The following OCA2 variants were observed in gnomAD, a reference collection of about 807,000 sequenced individuals.
OCA2 encodes the protein OCA2 melanosomal transmembrane protein.
OCA2 carries 77 observed loss-of-function variants against 100.2 expected under a neutral mutation model. The ratio of observed to expected loss-of-function variants is 0.77; its 90% CI spans 0.64 to 0.93. The LOEUF (loss-of-function observed/expected upper bound fraction) is 0.93. Ranked by LOEUF, OCA2 falls within the 40% of genes least tolerant of loss-of-function variation. The pLI is 0.00. For synonymous variants in OCA2, 432 were observed against 439.2 expected (o/e 0.98, Z 0.21); for missense variants, 1,062 against 1,089.1 (o/e 0.98, Z 0.35).
At chr15:27,927,088 G>A (rs1360138188) in intron 18 of OCA2, among the ~76,000 whole-genome samples, 1 of 152,154 alleles carries the variant, frequency 6.6e-6, no homozygotes. Flanking sequence ...TCAGGAGTTC[G>A]AGACCATCCT....
chr15:27,829,305 A>ATAGATAGATAGATAGT (rs1555412984), intron 23 of OCA2, among the ~76,000 whole-genome samples: 4 of 151,944 alleles, frequency 2.6e-5, no homozygotes, highest in African/African-American at 9.7e-5. Context: ...AGATAGATAG[A>ATAGATAGATAGATAGT]TAGATAGATA....
chr15:28,033,445 T>C (rs778549122), intron 2 of OCA2, among the ~76,000 whole-genome samples: 4 of 152,222 alleles, frequency 2.6e-5, no homozygotes, highest in Non-Finnish European at 5.9e-5. Flanking sequence ...ACCTGTGAGA[T>C]AGACAATAAG....
At chr15:27,868,517 C>T (rs2036415919) in intron 21 of OCA2, among the ~76,000 whole-genome samples, 1 of 152,046 alleles carries the variant, frequency 6.6e-6, no homozygotes, top group Non-Finnish European at 1.5e-5. Context: ...CTAAAATCGT[C>T]ACGCTCACGG....
At chr15:27,912,718 A>G (rs1435294051) in intron 19 of OCA2, among the ~76,000 whole-genome samples, 1 of 152,236 alleles carries the variant, frequency 6.6e-6, no homozygotes, top group Non-Finnish European at 1.5e-5. Context: ...AGAGGCAAAG[A>G]GCTACTGACA....
At chr15:27,994,560 T>C (rs2041661895) in intron 9 of OCA2, among the ~76,000 whole-genome samples, 1 of 152,106 alleles carries the variant, frequency 6.6e-6, no homozygotes, top group Non-Finnish European at 1.5e-5. Flanking sequence ...ACTGCACTCC[T>C]CTCTGGTCGA....
At chr15:27,826,044 C>G (rs1386779297) in intron 23 of OCA2, among the ~76,000 whole-genome samples, 1 of 152,140 alleles carries the variant, frequency 6.6e-6, no homozygotes, top group Non-Finnish European at 1.5e-5. Context: ...TAGAACTGAG[C>G]AAGTAAATAC....
intron 18 of OCA2, among the ~76,000 whole-genome samples, chr15:27,937,607 A>C (rs1022103030): frequency 6.6e-6 from 1 of 152,214 alleles, no homozygotes; most frequent in Non-Finnish European, 1.5e-5. Context: ...GTGTGCATAT[A>C]ATGGCATCTC....
At position 28,076,635 on chromosome 15, in the gene OCA2, CA is replaced by C. The variant is rs375077908; in HGVS notation, c.227+5012del. Among the ~76,000 whole-genome samples the C allele has an allele frequency of 4.1e-4, 62 of 151,852 alleles. No homozygotes were observed. In the East Asian group the frequency reaches 7.4e-3, roughly 18 times the overall value. On this transcript the variant is annotated intron_variant, in intron 2 of 23. Transcript: ENST00000354638. ...GGCCGAGGCGGGTGGATCATGAGGTCAGGAGATCGAGACCATCCTGGCTAAC... is the reference window on the plus strand; with the variant it reads ...GGCCGAGGCGGGTGGATCATGAGGTCGGAGATCGAGACCATCCTGGCTAAC...
intron 21 of OCA2, among the ~76,000 whole-genome samples, chr15:27,854,354 CAT>C (rs981215189): frequency 8.5e-5 from 13 of 152,342 alleles, no homozygotes; most frequent in Non-Finnish European, 1.5e-4. Flanking sequence ...TGCTACTGCA[CAT>C]GTCTCCACCA....
chr15:27,879,589 C>CT (rs1232434519), intron 19 of OCA2, among the ~76,000 whole-genome samples: 1 of 152,148 alleles, frequency 6.6e-6, no homozygotes, highest in African/African-American at 2.4e-5. Context: ...CTTTGCATTT[C>CT]TTTAACGATT....
At chr15:27,924,805 G>A (rs1429785344) in intron 19 of OCA2, among the ~76,000 whole-genome samples, 1 of 152,120 alleles carries the variant, frequency 6.6e-6, no homozygotes, top group Non-Finnish European at 1.5e-5. Flanking sequence ...TAGCAGACGT[G>A]AAGCCAAGCG....
At chr15:27,883,699 A>G (rs1595571928) in intron 19 of OCA2, among the ~76,000 whole-genome samples, 1 of 152,168 alleles carries the variant, frequency 6.6e-6, no homozygotes, top group African/African-American at 2.4e-5. Context: ...ACCATGGCAG[A>G]GGTACAAGCA....
At chr15:27,743,337 T>C in the OCA2 span, among the ~76,000 whole-genome samples, 98,293 of 152,030 alleles carry the variant, frequency 0.65, 32,847 homozygotes, top group Non-Finnish European at 0.73. Flanking sequence ...TGCCACACTC[T>C]TGAGAAGGGG....
At chr15:28,041,976 T>G (rs1179993396) in intron 2 of OCA2, among the ~76,000 whole-genome samples, 1 of 152,124 alleles carries the variant, frequency 6.6e-6, no homozygotes. Flanking sequence ...AAATACACAA[T>G]TCCAGAGAGA....
chr15:27,863,081 G>A (rs2036196257), intron 21 of OCA2, among the ~76,000 whole-genome samples: 1 of 152,134 alleles, frequency 6.6e-6, no homozygotes, highest in African/African-American at 2.4e-5. Context: ...AGGCTGGCAG[G>A]GCTGACCTGA....
At chr15:27,926,356 C>A in intron 18 of OCA2, 102 bp from the exon 19 acceptor site, 1 of 1,278,480 alleles carries the variant, frequency 7.8e-7, no homozygotes, top group South Asian at 1.2e-5. Flanking sequence ...GAATAATTGT[C>A]ATACTACAAA....
At chr15:27,823,780 G>C (rs2034595406) in intron 23 of OCA2, among the ~76,000 whole-genome samples, 3 of 152,120 alleles carry the variant, frequency 2.0e-5, no homozygotes, top group Admixed American at 2.0e-4. Flanking sequence ...CAATAAATTA[G>C]TCATGTAGCT....
At chr15:27,816,744 C>G (rs1049213609) in intron 23 of OCA2, among the ~76,000 whole-genome samples, 1 of 152,214 alleles carries the variant, frequency 6.6e-6, no homozygotes, top group African/African-American at 2.4e-5. Flanking sequence ...AAATATTCCC[C>G]GTAATCAGAA....
At chr15:27,866,351 G>A (rs1484690065) in intron 21 of OCA2, among the ~76,000 whole-genome samples, 1 of 152,194 alleles carries the variant, frequency 6.6e-6, no homozygotes, top group African/African-American at 2.4e-5. Flanking sequence ...TCGAGTGGCA[G>A]GTGGTCTGGC....
Sources: gnomAD v4.1 joint callset for allele counts (sites outside exome capture counted in the v4.1 genomes callset) on GRCh38, gnomAD v4.1.1 for gene constraint, MANE v1.5 for transcripts, NCBI Gene and HGNC (gene_info 2026-07-23, HGNC 2026-07-21) for gene names.